ME3: variants seen among roughly 807,000 people sequenced by gnomAD.
ME3 encodes the protein malic enzyme 3.
A neutral mutation model predicts 68.9 loss-of-function variants in ME3; 48 were observed. That is an observed-to-expected ratio of 0.70 (90% confidence interval 0.55 to 0.89). ME3 has a LOEUF of 0.89. ME3 is among the 40% of genes least tolerant of loss of function. The pLI, the probability that ME3 is intolerant of heterozygous loss-of-function variation, is 0.00. For missense variants in ME3, 675 were observed against 797.4 expected (o/e 0.85, Z 1.85); for synonymous variants, 320 against 318.8 (o/e 1.00, Z -0.04).
intron 2 of ME3, among the ~76,000 whole-genome samples, chr11:86,655,985 G>A (rs921432550): frequency 1.4e-4 from 21 of 151,830 alleles, no homozygotes; most frequent in Admixed American, 3.9e-4. Flanking sequence ...GCAGCCAAAA[G>A]ACACATGAAA....
At chr11:86,530,622 A>G (rs1955139482) in intron 4 of ME3, among the ~76,000 whole-genome samples, 1 of 152,218 alleles carries the variant, frequency 6.6e-6, no homozygotes, top group Non-Finnish European at 1.5e-5. Flanking sequence ...CAGTAACCAA[A>G]ACAGCATGGT....
intron 2 of ME3, among the ~76,000 whole-genome samples, chr11:86,625,086 T>C (rs1160419618): frequency 6.6e-6 from 1 of 152,196 alleles, no homozygotes; most frequent in Non-Finnish European, 1.5e-5. Context: ...GTACTTTTAA[T>C]TAAATATTTT....
intron 4 of ME3, among the ~76,000 whole-genome samples, chr11:86,529,111 G>C (rs192683586): frequency 6.8e-4 from 104 of 152,002 alleles, no homozygotes; most frequent in Middle Eastern, 3.4e-3. Flanking sequence ...GACTGCTAGC[G>C]AGACTAATAA....
At chr11:86,522,723 T>A (rs180930932) in intron 4 of ME3, among the ~76,000 whole-genome samples, 218 of 152,342 alleles carry the variant, frequency 1.4e-3, no homozygotes, top group African/African-American at 4.9e-3. Context: ...TTCTTTTTTA[T>A]GGCTGCATAG....
intron 13 of ME3, among the ~76,000 whole-genome samples, chr11:86,443,226 G>A (rs989977712): frequency 1.3e-5 from 2 of 152,210 alleles, no homozygotes; most frequent in African/African-American, 4.8e-5. Context: ...TCTCCTCTTG[G>A]CTGGTCCAGC....
chr11:86,642,800 T>A (rs1204565416), intron 2 of ME3, among the ~76,000 whole-genome samples: 1 of 152,140 alleles, frequency 6.6e-6, no homozygotes, highest in Non-Finnish European at 1.5e-5. Flanking sequence ...TTTTGAAAAA[T>A]CCTGCATTTA....
intron 8 of ME3, among the ~76,000 whole-genome samples, chr11:86,460,073 C>T (rs1950155751): frequency 6.6e-6 from 1 of 152,220 alleles, no homozygotes; most frequent in African/African-American, 2.4e-5. Context: ...CTGCCTTTCC[C>T]CTTCTAGGCC....
At chr11:86,527,408 C>T (rs547912335) in intron 4 of ME3, among the ~76,000 whole-genome samples, 25 of 152,280 alleles carry the variant, frequency 1.6e-4, no homozygotes, top group Admixed American at 3.9e-4. Flanking sequence ...CTGAAAGTGA[C>T]GGGGCGAATG....
At position 86,599,877 on chromosome 11, in the gene ME3, C is replaced by A. The variant is rs200043762; in HGVS notation, c.184-40054G>T. ...AGCTTCATAAGTGGAGAAATAAAAT[C>A]CTTTACAGACAAGCAAATGCTGAGA... On this transcript the variant is annotated intron_variant, in intron 2 of 14. Transcript: ENST00000543262. 1.7e-4 allele frequency among the ~76,000 whole-genome samples: 26 copies of A among 152,142 alleles called. No homozygotes were observed. In the East Asian group the frequency reaches 5.0e-3, roughly 29 times the overall value.
At chr11:86,603,341 T>A (rs1016198354) in intron 2 of ME3, among the ~76,000 whole-genome samples, 49 of 152,038 alleles carry the variant, frequency 3.2e-4, no homozygotes, top group African/African-American at 1.1e-3. Flanking sequence ...AAAAGACACA[T>A]GAAAAAATGC....
chr11:86,605,846 T>C (rs1309591477), intron 2 of ME3, among the ~76,000 whole-genome samples: 1 of 151,796 alleles, frequency 6.6e-6, no homozygotes, highest in Non-Finnish European at 1.5e-5. Flanking sequence ...CAAACACCAG[T>C]TTTTTTTCCA....
At chr11:86,504,983 G>A (rs1952975997) in intron 5 of ME3, among the ~76,000 whole-genome samples, 1 of 152,192 alleles carries the variant, frequency 6.6e-6, no homozygotes, top group Non-Finnish European at 1.5e-5. Context: ...GAGCCACCAT[G>A]CACAGTCTCA....
intron 2 of ME3, among the ~76,000 whole-genome samples, chr11:86,655,232 A>C (rs1045290096): frequency 6.6e-6 from 1 of 152,214 alleles, no homozygotes; most frequent in African/African-American, 2.4e-5. Context: ...TTCTTCACAG[A>C]ATTGGAAAAA....
chr11:86,615,924 A>G (rs930024366), intron 2 of ME3, among the ~76,000 whole-genome samples: 14 of 152,234 alleles, frequency 9.2e-5, no homozygotes, highest in Non-Finnish European at 1.8e-4. Context: ...AATTAAAAAA[A>G]CTCATAAACA....
chr11:86,524,896 G>A (rs559420768), intron 4 of ME3, among the ~76,000 whole-genome samples: 2 of 152,300 alleles, frequency 1.3e-5, no homozygotes, highest in African/African-American at 4.8e-5. Flanking sequence ...CTAATGTGTT[G>A]TTTTGACTAA....
chr11:86,515,462 G>A (rs1008588949), intron 4 of ME3, among the ~76,000 whole-genome samples: 2 of 152,112 alleles, frequency 1.3e-5, no homozygotes, highest in African/African-American at 2.4e-5. Flanking sequence ...GTGTGACTTG[G>A]GACTAGTCAC....
At chr11:86,531,241 T>TC (rs1252948530) in intron 4 of ME3, among the ~76,000 whole-genome samples, 9 of 152,282 alleles carry the variant, frequency 5.9e-5, no homozygotes, top group African/African-American at 2.2e-4. Flanking sequence ...AAAAGACACA[T>TC]CAAGAAATGC....
intron 2 of ME3, among the ~76,000 whole-genome samples, chr11:86,666,195 C>T (rs903817571): frequency 1.3e-5 from 2 of 152,114 alleles, no homozygotes; most frequent in African/African-American, 4.8e-5. Flanking sequence ...AGCATATGAC[C>T]AACTTCTGGC....
At chr11:86,464,583 C>G (rs368756412) in intron 8 of ME3, among the ~76,000 whole-genome samples, 5 of 152,184 alleles carry the variant, frequency 3.3e-5, no homozygotes, top group Non-Finnish European at 7.3e-5. Flanking sequence ...GACAGAGACA[C>G]GCCTTGTATT....
Sources: gnomAD v4.1 joint callset for allele counts (sites outside exome capture counted in the v4.1 genomes callset) on GRCh38, gnomAD v4.1.1 for gene constraint, MANE v1.5 for transcripts, NCBI Gene and HGNC (gene_info 2026-07-23, HGNC 2026-07-21) for gene names.